The following CFAP92 variants were observed in gnomAD, a reference collection of about 807,000 sequenced individuals.
The protein encoded by CFAP92 is uncharacterized protein CFAP92.
Under a neutral mutation model 106.3 loss-of-function variants are expected in CFAP92, and 86 were observed. The ratio of observed to expected loss-of-function variants is 0.81; its 90% confidence interval spans 0.68 to 0.97. The LOEUF (loss-of-function observed/expected upper bound fraction) is 0.97, where lower values mean the gene tolerates loss of function less well. Among genes scored for constraint, CFAP92 ranks in the 50% least tolerant of loss-of-function variants. CFAP92 has a pLI of 0.00. For synonymous variants in CFAP92, 477 were observed against 506.4 expected, an observed-to-expected ratio of 0.94 and a Z score of 0.78; for missense variants, 1,204 against 1,283.8, an observed-to-expected ratio of 0.94 and a Z score of 0.95.
At position 128,988,901 on chromosome 3, in the gene CFAP92, C is replaced by T; in HGVS notation, c.280G>A (p.Ala94Thr). ...TTCTTATATTTTTCAATCAAACTTGCATATTTTCCCTTCTGACCTTGAAGA... is the reference window on the plus strand; with the variant it reads ...TTCTTATATTTTTCAATCAAACTTGTATATTTTCCCTTCTGACCTTGAAGA... ...PVNMGQKGKY[A>T]SLIEKYKKHP... The change falls in exon 3 of 16, where the codon GCA becomes ACA. Residue 94 changes from alanine (A) to threonine (T), a missense_variant. Physicochemically the swap from Ala to Thr is moderately conservative, Grantham distance 58 (BLOSUM62 0). Coordinates refer to ENST00000645291, the MANE Select transcript of CFAP92 (RefSeq NM_001394090.1). 2 of 1,612,994 alleles carry T rather than the reference C, an allele frequency of 1.2e-6. No homozygotes were observed. Among genetic ancestry groups the T allele is most frequent in the Non-Finnish European group, 1.7e-6 (2 of 1,179,308 alleles).
At chr3:128,977,359 G>C (rs1943222518) in intron 5 of CFAP92, among the ~76,000 whole-genome samples, 1 of 152,088 alleles carries the variant, frequency 6.6e-6, no homozygotes, top group South Asian at 2.1e-4. Context: ...GTTTACATTA[G>C]AGAATAATGA....
In CFAP92 at chr3:128,986,999, A is replaced by G. The variant is rs138862080; in HGVS notation, c.667+617T>C. ...AACATGGCGAAACCCCGTCTCTACTAAAAACACAAAAATTAGCCGGGCGTG... is the reference window on the plus strand; with the variant it reads ...AACATGGCGAAACCCCGTCTCTACTGAAAACACAAAAATTAGCCGGGCGTG... On this transcript the variant is annotated intron_variant, in intron 4 of 15. Coordinates refer to ENST00000645291, the MANE Select transcript of CFAP92 (RefSeq NM_001394090.1). Among the ~76,000 whole-genome samples the G allele has an allele frequency of 1.0e-2, 1,520 of 152,296 alleles. 19 individuals carry two copies. The highest frequency in any genetic ancestry group is 0.014 in the Non-Finnish European group (947 of 68,008).
At chr3:128,953,381 G>C (rs1015931056) in intron 9 of CFAP92, among the ~76,000 whole-genome samples, 1 of 151,994 alleles carries the variant, frequency 6.6e-6, no homozygotes, top group African/African-American at 2.4e-5. Context: ...CGGGCGTGGT[G>C]GTGGGCGCCT....
chr3:128,929,076 CAGTG>C (rs540956216), intron 12 of CFAP92, among the ~76,000 whole-genome samples: 3 of 152,120 alleles, frequency 2.0e-5, no homozygotes, highest in Non-Finnish European at 2.9e-5. Context: ...CTGGGTAACA[CAGTG>C]AGACCCTGTC....
At chr3:128,963,323 T>C (rs1324088528) in intron 9 of CFAP92, among the ~76,000 whole-genome samples, 1 of 152,214 alleles carries the variant, frequency 6.6e-6, no homozygotes, top group Admixed American at 6.5e-5. Context: ...CTTACTGTTT[T>C]AGCCTAGCCC....
the CFAP92 span, among the ~76,000 whole-genome samples, chr3:129,009,779 C>T: frequency 2.6e-5 from 4 of 152,176 alleles, no homozygotes; most frequent in South Asian, 4.1e-4. Context: ...TCTGAAGCCC[C>T]GGGAGGAAAC....
the CFAP92 span, among the ~76,000 whole-genome samples, chr3:129,022,463 C>T: frequency 1.3e-3 from 195 of 152,198 alleles, no homozygotes; most frequent in African/African-American, 4.5e-3. Flanking sequence ...GCCAGGACAG[C>T]GGAAGGGAGG....
intron 12 of CFAP92, among the ~76,000 whole-genome samples, chr3:128,919,839 A>C (rs538676161): frequency 1.1e-4 from 16 of 152,324 alleles, no homozygotes; most frequent in Non-Finnish European, 2.4e-4. Flanking sequence ...GGGCCCTGGT[A>C]CCTCTAGGCC....
the CFAP92 span, among the ~76,000 whole-genome samples, chr3:129,015,408 G>T: frequency 6.6e-6 from 1 of 151,990 alleles, no homozygotes; most frequent in Non-Finnish European, 1.5e-5. Context: ...CTTCATTGAG[G>T]TCTGCTCCTT....
chr3:128,963,804 T>C (rs1942145766), intron 9 of CFAP92, among the ~76,000 whole-genome samples: 1 of 149,802 alleles, frequency 6.7e-6, no homozygotes. Flanking sequence ...GGAAATAACT[T>C]CTCAGTGTTC....
At chr3:128,970,200 CACTT>C (rs1429931744) in intron 8 of CFAP92, 1 of 151,932 alleles carries the variant, frequency 6.6e-6, no homozygotes, top group East Asian at 1.9e-4. Context: ...ATGATCATGT[CACTT>C]ACACTCCAGC....
rs1207967493 is a variant in CFAP92, at chr3:128,938,515, A to C, written c.2259-3196T>G. On this transcript the variant is annotated intron_variant, in intron 10 of 15. Transcript: ENST00000645291. ...TCTTTTTTTTTTTTTTTTTTAAGAG[A>C]TGGAGTCTCGCTCTGTCTCCCAGGC... Among the ~76,000 whole-genome samples the C allele has an allele frequency of 3.6e-5, 5 of 140,544 alleles. No individual in the cohort carries two copies. The East Asian group carries it at 1.0e-3, about 29-fold the overall frequency. 92.2% of individuals were successfully genotyped at this position (140,544 alleles called of 152,430 possible).
chr3:128,990,775 G>GT (rs1944163551), intron 2 of CFAP92, among the ~76,000 whole-genome samples: 1 of 151,690 alleles, frequency 6.6e-6, no homozygotes. Flanking sequence ...ATGTGCCTGT[G>GT]GTCCCAGCTA....
intron 2 of CFAP92, 115 bp downstream of exon 2, chr3:128,992,928 G>A (rs1576655899): frequency 8.5e-6 from 11 of 1,296,748 alleles, no homozygotes; most frequent in East Asian, 4.6e-5. Context: ...TGGCCAGCCC[G>A]CTTTGGGGTG....
intron 1 of CFAP92, chr3:129,001,667 G>C: frequency 7.0e-7 from 1 of 1,425,156 alleles, no homozygotes; most frequent in South Asian, 1.4e-5. Flanking sequence ...CCGGCATGGA[G>C]GGCGCGGGAG....
chr3:128,981,466 G>T (rs1398997148), intron 4 of CFAP92, among the ~76,000 whole-genome samples: 1 of 152,086 alleles, frequency 6.6e-6, no homozygotes, highest in East Asian at 1.9e-4. Context: ...AAGTAGCTGG[G>T]ATTACAGGCA....
chr3:128,978,856 A>C, intron 4 of CFAP92, among the ~76,000 whole-genome samples: 1 of 152,236 alleles, frequency 6.6e-6, no homozygotes, highest in Non-Finnish European at 1.5e-5. Flanking sequence ...AAAACCCTAG[A>C]AGAAAACCTA....
rs555309242 is a variant in CFAP92, at chr3:128,935,386, C to T, written c.2259-67G>A. 12 of 1,105,588 alleles carry T rather than the reference C, an allele frequency of 1.1e-5. No individual in the cohort carries two copies. In the East Asian group the frequency reaches 1.6e-4, roughly 14 times the overall value. The allele number at this position is 1,105,588 out of a possible 1,614,324, so 68.5% of individuals were successfully genotyped here. ...TTCCTGGGACACCGTGGTGAGGGTG[C>T]GCTGTCAGGTACAGCTTTTATGTTA... On this transcript the variant is annotated intron_variant, in intron 10 of 15. Coordinates refer to ENST00000645291, the MANE Select transcript of CFAP92 (RefSeq NM_001394090.1).
At chr3:129,010,487 T>G in the CFAP92 span, among the ~76,000 whole-genome samples, 50 of 73,560 alleles carry the variant, frequency 6.8e-4, no homozygotes, top group South Asian at 1.1e-3. The surrounding 1 kb of genome is among the most constrained non-coding windows in gnomAD (Gnocchi z 4.3). Context: ...TGGGGGAGGG[T>G]GAAAAGGCTG....
Sources: gnomAD v4.1 joint callset for allele counts (sites outside exome capture counted in the v4.1 genomes callset) on GRCh38, gnomAD v4.1.1 for gene constraint, Gnocchi (gnomAD v3.1) non-coding constraint, MANE v1.5 for transcripts, NCBI Gene and HGNC (gene_info 2026-07-23, HGNC 2026-07-21) for gene names.